The following PLEKHH2 variants were observed in gnomAD, a reference collection of about 807,000 sequenced individuals.
PLEKHH2 encodes the protein pleckstrin homology, MyTH4 and FERM domain containing H2.
In PLEKHH2, 129 loss-of-function variants were observed where a neutral mutation model predicts 187.9. The observed-to-expected ratio is 0.69, with a 90% CI of 0.59 to 0.79. The LOEUF (loss-of-function observed/expected upper bound fraction) is 0.79. Ranked by LOEUF, PLEKHH2 falls within the 30% of genes least tolerant of loss-of-function variation. The pLI is 0.00. For synonymous variants in PLEKHH2, 686 were observed against 605.6 expected, an observed-to-expected ratio of 1.13 and a Z score of -1.95; for missense variants, 2,076 against 1,751.2, an observed-to-expected ratio of 1.19 and a Z score of -3.31.
Position 43,731,580 on chromosome 2 carries a change from C to T in PLEKHH2, c.2921C>T (p.Thr974Ile), listed in dbSNP as rs1304729526. 9 of 1,574,900 alleles carry T rather than the reference C, an allele frequency of 5.7e-6. No homozygotes were observed. The highest frequency in any genetic ancestry group is 7.8e-6 in the Non-Finnish European group (9 of 1,147,610). ...ACTCTACCTTCCGAAGCCCTGCAGACAGAAGCTATTAAATTATTTAAGGTA... is the reference window on the plus strand; with the variant it reads ...ACTCTACCTTCCGAAGCCCTGCAGATAGAAGCTATTAAATTATTTAAGGTA... ...LTTLPSEALQ[T>I]EAIKLFKTCQ... Residue 974 changes from threonine (T) to isoleucine (I), a missense_variant, in exon 19 of 30, where the codon ACA becomes ATA. By Grantham distance (89) the Thr-to-Ile change is moderately conservative. Coordinates refer to ENST00000282406, the MANE Select transcript of PLEKHH2 (RefSeq NM_172069.4).
chr2:43,712,200 C>A (rs1464564464), intron 14 of PLEKHH2, 25 bp from the exon 15 acceptor site: 9 of 1,604,208 alleles, frequency 5.6e-6, no homozygotes, highest in Non-Finnish European at 7.7e-6. Flanking sequence ...GTTTTCTTTC[C>A]TATACCTTTC....
chr2:43,677,772 T>A (rs1405387398), intron 2 of PLEKHH2, among the ~76,000 whole-genome samples: 1 of 139,642 alleles, frequency 7.2e-6, no homozygotes, highest in Non-Finnish European at 1.6e-5. Flanking sequence ...CCAGTAGGGG[T>A]GGCTGGGCAG....
In PLEKHH2 at chr2:43,718,157, C is replaced by T. The variant is rs1388561049; in HGVS notation, c.2461-2512C>T. ...AAAAATTATTCTTTTAATTAGATCA[C>T]CTTGAGATTTGAGGTTGCCTTTAAA... On this transcript the variant is annotated intron_variant, in intron 15 of 29. Coordinates refer to ENST00000282406, the MANE Select transcript of PLEKHH2 (RefSeq NM_172069.4). 2.0e-5 allele frequency among the ~76,000 whole-genome samples: 3 copies of T among 152,158 alleles called. No homozygotes were observed. The East Asian group carries it at 5.8e-4, about 29-fold the overall frequency.
chr2:43,644,582 A>G (rs1666098657), intron 1 of PLEKHH2, 89 bp from the exon 2 acceptor site: 1 of 1,104,516 alleles, frequency 9.1e-7, no homozygotes, highest in East Asian at 2.8e-5. Flanking sequence ...ACATTGGGTA[A>G]TTTAACAAAT....
chr2:43,740,886 T>G (rs1388354749), intron 20 of PLEKHH2, 60 bp from the exon 21 acceptor site: 1 of 1,591,524 alleles, frequency 6.3e-7, no homozygotes. Flanking sequence ...TTGCACTCAC[T>G]CAGATGTGGA....
At chr2:43,745,567 A>G (rs188530610) in intron 23 of PLEKHH2, among the ~76,000 whole-genome samples, 3 of 152,264 alleles carry the variant, frequency 2.0e-5, no homozygotes, top group South Asian at 4.1e-4. Context: ...CAAATCATGG[A>G]AAAATCCCTG....
chr2:43,675,219 G>A (rs2104411881), intron 2 of PLEKHH2: 1 of 469,100 alleles, frequency 2.1e-6, no homozygotes, highest in South Asian at 6.6e-5. Context: ...GAGTCAATAT[G>A]AAATATTACT....
chr2:43,660,400 G>A (rs1387993922), intron 2 of PLEKHH2, among the ~76,000 whole-genome samples: 2 of 147,768 alleles, frequency 1.4e-5, no homozygotes, highest in Non-Finnish European at 3.0e-5. Flanking sequence ...ACACCTAGGA[G>A]TAGGGTTATA....
Position 43,644,729 on chromosome 2 carries a change from C to G in PLEKHH2, c.56C>G (p.Ala19Gly), listed in dbSNP as rs756750306. 6.2e-7 allele frequency: 1 copy of G among 1,608,844 alleles called. No homozygotes were observed. The highest frequency in any genetic ancestry group is 1.1e-5 in the South Asian group (1 of 90,654). Residue 19 changes from alanine to glycine, a missense_variant, in exon 2 of 30, where the codon GCT becomes GGT. Physicochemically the swap from Ala to Gly is moderately conservative, Grantham distance 60. Coordinates refer to ENST00000282406, the MANE Select transcript of PLEKHH2 (RefSeq NM_172069.4). The part of the protein sequence containing the change: ...GPVDWKERCV[A>G]LESQLMKFRV... ...GTAGATTGGAAGGAACGATGTGTAG[C>G]TCTGGAGTCCCAACTCATGAAATTT...
chr2:43,644,567 T>C, intron 1 of PLEKHH2, 104 bp from the exon 2 acceptor site: 2 of 902,532 alleles, frequency 2.2e-6, no homozygotes, highest in Non-Finnish European at 3.2e-6. Flanking sequence ...GTGATTATAA[T>C]GTGTACATTG....
At chr2:43,651,073 GA>G (rs1666446725) in intron 2 of PLEKHH2, among the ~76,000 whole-genome samples, 1 of 152,158 alleles carries the variant, frequency 6.6e-6, no homozygotes, top group Admixed American at 6.5e-5. Context: ...TTGTAATATA[GA>G]TTGTGAAAAT....
At position 43,748,779 on chromosome 2, in the gene PLEKHH2, A is replaced by G. The variant is rs558288962; in HGVS notation, c.3653+2816A>G. Among the ~76,000 whole-genome samples, 31 of 151,082 alleles carry G rather than the reference A, an allele frequency of 2.1e-4. No homozygotes were observed. In the East Asian group the frequency reaches 4.8e-3, roughly 24 times the overall value. On this transcript the variant is annotated intron_variant, in intron 24 of 29. Transcript: ENST00000282406. ...GGCATTCTTTTTTTTTTTTTGAGAC[A>G]GAACTTCACCCTTGCTGCCCAGGCT...
intron 19 of PLEKHH2, among the ~76,000 whole-genome samples, chr2:43,737,843 T>C (rs1183011646): frequency 6.6e-6 from 1 of 152,158 alleles, no homozygotes; most frequent in African/African-American, 2.4e-5. Context: ...TAACTATGGA[T>C]CTGAATGTCA....
At chr2:43,667,044 T>G (rs2104391091) in intron 2 of PLEKHH2, among the ~76,000 whole-genome samples, 1 of 152,320 alleles carries the variant, frequency 6.6e-6, no homozygotes, top group South Asian at 2.1e-4. Flanking sequence ...TTACCAATTT[T>G]TTTGGTTCAT....
chr2:43,652,528 C>T (rs1399467032), intron 2 of PLEKHH2, among the ~76,000 whole-genome samples: 1 of 152,132 alleles, frequency 6.6e-6, no homozygotes, highest in Admixed American at 6.6e-5. Flanking sequence ...CTAGCAGCCA[C>T]CCTTTATTCT....
At chr2:43,734,345 A>G (rs1225422629) in intron 19 of PLEKHH2, among the ~76,000 whole-genome samples, 1 of 152,254 alleles carries the variant, frequency 6.6e-6, no homozygotes, top group African/African-American at 2.4e-5. Context: ...AAAATAATAA[A>G]ATATTAGCAA....
chr2:43,760,588 C>A (rs1672388718), intron 27 of PLEKHH2, among the ~76,000 whole-genome samples: 1 of 152,112 alleles, frequency 6.6e-6, no homozygotes, highest in Non-Finnish European at 1.5e-5. Context: ...GTCTCGAACT[C>A]CTGATCTGAA....
chr2:43,704,132 TG>T, intron 9 of PLEKHH2, 76 bp downstream of exon 9: 1 of 1,035,244 alleles, frequency 9.7e-7, no homozygotes, highest in South Asian at 1.5e-5. Flanking sequence ...TACAAATACA[TG>T]GTACAGTCAC....
At chr2:43,647,701 T>C (rs1666248743) in intron 2 of PLEKHH2, among the ~76,000 whole-genome samples, 1 of 152,182 alleles carries the variant, frequency 6.6e-6, no homozygotes, top group South Asian at 2.1e-4. Context: ...CTCTTTGGTT[T>C]TGTGTTAGCA....
Sources: gnomAD v4.1 joint callset for allele counts (sites outside exome capture counted in the v4.1 genomes callset) on GRCh38, gnomAD v4.1.1 for gene constraint, MANE v1.5 for transcripts, NCBI Gene and HGNC (gene_info 2026-07-23, HGNC 2026-07-21) for gene names.